The following GALNTL6 variants were observed in gnomAD, a reference collection of about 807,000 sequenced individuals.
GALNTL6 encodes the protein polypeptide N-acetylgalactosaminyltransferase like 6.
A neutral mutation model predicts 73.7 loss-of-function variants in GALNTL6; 46 were observed. That is an observed-to-expected ratio of 0.62 (90% CI 0.49 to 0.80). GALNTL6 has a LOEUF of 0.80. GALNTL6 is among the 30% of genes least tolerant of loss of function. GALNTL6 has a pLI of 0.00. For synonymous variants in GALNTL6, 259 were observed against 263.7 expected (o/e 0.98, Z 0.17); for missense variants, 604 against 755.0 (o/e 0.80, Z 2.34).
chr4:171,848,232 T>C (rs955331848), intron 2 of GALNTL6, among the ~76,000 whole-genome samples: 1 of 152,224 alleles, frequency 6.6e-6, no homozygotes, highest in Admixed American at 6.5e-5. Context: ...TTTTATTTTC[T>C]GAGAATTTTA....
chr4:172,238,949 G>A (rs574308615), intron 3 of GALNTL6, among the ~76,000 whole-genome samples: 4 of 152,248 alleles, frequency 2.6e-5, no homozygotes, highest in African/African-American at 9.6e-5. Context: ...CAAGGATAAA[G>A]CTTACTTGAT....
intron 10 of GALNTL6, among the ~76,000 whole-genome samples, chr4:172,989,887 G>A (rs911282792): frequency 2.0e-5 from 3 of 152,140 alleles, no homozygotes; most frequent in Non-Finnish European, 2.9e-5. Context: ...GGCTTTTCTG[G>A]AGGTTTCTCC....
chr4:171,913,138 T>C (rs1042811587), intron 2 of GALNTL6, among the ~76,000 whole-genome samples: 1 of 152,140 alleles, frequency 6.6e-6, no homozygotes, highest in East Asian at 1.9e-4. Context: ...AAACCATGAA[T>C]TGGTACAAAG....
chr4:171,940,671 A>G (rs1738503154), intron 2 of GALNTL6, among the ~76,000 whole-genome samples: 2 of 151,886 alleles, frequency 1.3e-5, no homozygotes, highest in African/African-American at 4.8e-5. Context: ...AAAAACTACA[A>G]AAATTAGCTG....
At chr4:172,135,128 A>C (rs921977718) in intron 2 of GALNTL6, among the ~76,000 whole-genome samples, 1 of 152,196 alleles carries the variant, frequency 6.6e-6, no homozygotes, top group African/African-American at 2.4e-5. Flanking sequence ...AAAAACGTGG[A>C]TATTGGGGAG....
chr4:172,180,810 A>G (rs527972934), intron 2 of GALNTL6, among the ~76,000 whole-genome samples: 1 of 152,092 alleles, frequency 6.6e-6, no homozygotes, highest in Admixed American at 6.5e-5. Flanking sequence ...TGATCTATAT[A>G]TCTGTTTTGG....
chr4:172,875,037 T>A (rs780240484), intron 7 of GALNTL6, among the ~76,000 whole-genome samples: 4 of 152,074 alleles, frequency 2.6e-5, no homozygotes, highest in South Asian at 2.1e-4. Context: ...GGTGACTTAA[T>A]GGGTCAGAGG....
intron 5 of GALNTL6, among the ~76,000 whole-genome samples, chr4:172,774,728 G>C (rs1344554160): frequency 6.6e-6 from 1 of 152,110 alleles, no homozygotes; most frequent in African/African-American, 2.4e-5. Context: ...GGGAGGCCAA[G>C]GCCGGTGGAT....
intron 8 of GALNTL6, among the ~76,000 whole-genome samples, chr4:172,929,036 T>C (rs1304449547): frequency 1.3e-5 from 2 of 152,194 alleles, no homozygotes; most frequent in Non-Finnish European, 2.9e-5. Context: ...TTATGTTCAA[T>C]GTTATAGAGC....
chr4:172,606,633 T>C (rs548273778), intron 5 of GALNTL6, among the ~76,000 whole-genome samples: 8 of 41,946 alleles, frequency 1.9e-4, no homozygotes, highest in Admixed American at 3.8e-4. Context: ...ATATATACTA[T>C]ATATATACTA....
At chr4:172,240,884 G>T (rs1737414781) in intron 3 of GALNTL6, among the ~76,000 whole-genome samples, 1 of 152,104 alleles carries the variant, frequency 6.6e-6, no homozygotes, top group Non-Finnish European at 1.5e-5. Context: ...AACTTACTGT[G>T]GTCATTTGGA....
chr4:172,592,588 T>C (rs907773235), intron 5 of GALNTL6, among the ~76,000 whole-genome samples: 14 of 152,210 alleles, frequency 9.2e-5, no homozygotes, highest in African/African-American at 3.4e-4. Context: ...ACTCCTTTGT[T>C]ATTTTTAGCA....
intron 5 of GALNTL6, among the ~76,000 whole-genome samples, chr4:172,675,771 C>G (rs1302874158): frequency 1.3e-5 from 2 of 152,144 alleles, no homozygotes; most frequent in East Asian, 3.9e-4. Context: ...AGACACCGGG[C>G]TCAGTATTCA....
intron 2 of GALNTL6, among the ~76,000 whole-genome samples, chr4:172,103,591 C>G (rs1204925621): frequency 6.6e-6 from 1 of 152,164 alleles, no homozygotes; most frequent in Non-Finnish European, 1.5e-5. Flanking sequence ...CTTTACTTTT[C>G]CCTGCAGTCT....
chr4:172,357,958 A>C (rs1278525538), intron 5 of GALNTL6, among the ~76,000 whole-genome samples: 3 of 151,992 alleles, frequency 2.0e-5, no homozygotes, highest in Admixed American at 2.0e-4. Context: ...TCTTTTTTTG[A>C]TTGGGTCCAT....
chr4:172,455,458 G>T (rs1362495832), intron 5 of GALNTL6, among the ~76,000 whole-genome samples: 1 of 152,174 alleles, frequency 6.6e-6, no homozygotes, highest in Non-Finnish European at 1.5e-5. Context: ...AGATCCACTG[G>T]CTTGAAATTC....
Position 172,630,080 on chromosome 4 carries a change from T to C in GALNTL6, c.554-179281T>C, listed in dbSNP as rs143354222. On this transcript the variant is annotated intron_variant, in intron 5 of 12. Transcript: ENST00000506823. ...CTCCTGAGACAATTTTTTTCATCAC[T>C]GAGATTTTCCCCCAAATAGGAAGTT... 2.0e-4 allele frequency among the ~76,000 whole-genome samples: 31 copies of C among 152,336 alleles called. No homozygotes were observed. The East Asian group carries it at 5.4e-3, about 27-fold the overall frequency.
At chr4:172,265,248 A>G (rs1738412347) in intron 3 of GALNTL6, among the ~76,000 whole-genome samples, 1 of 151,980 alleles carries the variant, frequency 6.6e-6, no homozygotes, top group Non-Finnish European at 1.5e-5. Context: ...CCAGAGACGT[A>G]TTACAAAGTA....
At chr4:172,071,555 C>T (rs1464433364) in intron 2 of GALNTL6, among the ~76,000 whole-genome samples, 1 of 110,684 alleles carries the variant, frequency 9.0e-6, no homozygotes, top group East Asian at 2.1e-4. Context: ...CTGCTTTTCT[C>T]ATTGGGTTCC....
Sources: allele counts gnomAD v4.1 joint callset (sites outside exome capture counted in the v4.1 genomes callset), GRCh38; gene constraint gnomAD v4.1.1; transcripts MANE v1.5; gene names NCBI Gene and HGNC (gene_info 2026-07-23, HGNC 2026-07-21).